EXTL3: variants seen among roughly 807,000 people sequenced by gnomAD.
EXTL3 encodes the protein exostosin like glycosyltransferase 3.
Under a neutral mutation model 69.3 loss-of-function variants are expected in EXTL3, and 27 were observed. The observed-to-expected ratio is 0.39, with a 90% confidence interval of 0.29 to 0.54. EXTL3 has a LOEUF of 0.54. Among genes scored for constraint, EXTL3 ranks in the 20% least tolerant of loss-of-function variants. The pLI, the probability that EXTL3 is intolerant of heterozygous loss-of-function variation, is 0.69. For synonymous variants in EXTL3, 511 were observed against 499.4 expected (o/e 1.02, Z -0.31); for missense variants, 1,003 against 1,231.8 (o/e 0.81, Z 2.78).
At chr8:28,627,809 A>G (rs923827839) in intron 1 of EXTL3, among the ~76,000 whole-genome samples, 8 of 152,258 alleles carry the variant, frequency 5.3e-5, no homozygotes, top group African/African-American at 1.9e-4. Flanking sequence ...TAAGGACATC[A>G]TGCTAAGTGA....
chr8:28,655,396 A>G, intron 1 of EXTL3, among the ~76,000 whole-genome samples: 1 of 152,156 alleles, frequency 6.6e-6, no homozygotes, highest in Non-Finnish European at 1.5e-5. Flanking sequence ...TAAGTGATAG[A>G]GCTACATTTA....
chr8:28,654,339 C>G (rs1407751470), intron 1 of EXTL3, among the ~76,000 whole-genome samples: 1 of 152,116 alleles, frequency 6.6e-6, no homozygotes, highest in East Asian at 1.9e-4. Context: ...TGAGTTTACT[C>G]TGTGCTGAAT....
In EXTL3 at chr8:28,751,418, TC is replaced by T. The variant is rs1440680857; in HGVS notation, c.*553del. 1.3e-5 allele frequency: 2 copies of T among 156,336 alleles called. No homozygotes were observed. The highest frequency in any genetic ancestry group is 2.8e-5 in the Non-Finnish European group (2 of 70,524). The allele number at this position is 156,336 out of a possible 1,614,324, so 9.7% of individuals were successfully genotyped here. Reference sequence around the variant, plus strand: ...TGTGTCACTGGCTTATCCTTAAAGATCATCTCCCATCCTCCCCAGCGCCATC... The same window carrying T: ...TGTGTCACTGGCTTATCCTTAAAGATATCTCCCATCCTCCCCAGCGCCATC... On this transcript the variant is annotated 3_prime_UTR_variant, in exon 7 of 7. Transcript: ENST00000220562.
In EXTL3 at chr8:28,750,618, A is replaced by C; in HGVS notation, c.2551-39A>C. ...CAGCTGCAAGGGTTCTGTCAGTATT[A>C]GCTGGGATTCCCACTCTGTCTCTCT... On this transcript the variant is annotated intron_variant, in intron 6 of 6. Coordinates refer to ENST00000220562, the MANE Select transcript of EXTL3 (RefSeq NM_001440.4). This position sits in a 1 kb window ranked among gnomAD's most constrained non-coding sequence, Gnocchi z 5.2. The C allele has an allele frequency of 1.3e-6, 2 of 1,528,870 alleles. No individual in the cohort carries two copies. Among genetic ancestry groups the C allele is most frequent in the Non-Finnish European group, 1.8e-6 (2 of 1,102,920 alleles). 94.7% of individuals were successfully genotyped at this position (1,528,870 alleles called of 1,614,324 possible). A position where few individuals can be genotyped will look rare whatever the true frequency, so the allele number is the denominator to read the frequency against.
chr8:28,671,493 C>T (rs905624239), intron 1 of EXTL3, among the ~76,000 whole-genome samples: 55 of 151,446 alleles, frequency 3.6e-4, no homozygotes, highest in African/African-American at 1.3e-3. Flanking sequence ...GTGTGTGCCA[C>T]CATGCCTGGC....
At chr8:28,734,753 TC>T (rs1432593739) in intron 4 of EXTL3, among the ~76,000 whole-genome samples, 1 of 152,186 alleles carries the variant, frequency 6.6e-6, no homozygotes, top group Non-Finnish European at 1.5e-5. Context: ...TCTTTGGCGA[TC>T]TTTTTCAAAT....
At position 28,663,156 on chromosome 8, in the gene EXTL3, A is replaced by G. The variant is rs146450714; in HGVS notation, c.-53+40346A>G. 2.6e-5 allele frequency among the ~76,000 whole-genome samples: 4 copies of G among 152,360 alleles called. No homozygotes were observed. In the East Asian group the frequency reaches 5.8e-4, roughly 22 times the overall value. On this transcript the variant is annotated intron_variant, in intron 1 of 6. Coordinates refer to the EXTL3 transcript ENST00000523149. ...AATGTTGGAAAGCCCCTGACTTTGC[A>G]AAAGCAAATTTTACTCAGTCCTTGT... is the stretch of plus-strand genomic sequence containing the variant.
At position 28,754,880 on chromosome 8, in the gene EXTL3, T is replaced by C. The variant is rs1158056574; in HGVS notation, c.*4014T>C. 4 of 152,148 alleles carry C rather than the reference T, an allele frequency of 2.6e-5. No homozygotes were observed. Among genetic ancestry groups the C allele is most frequent in the African/African-American group, 4.8e-5 (2 of 41,390 alleles). The allele number at this position is 152,148 out of a possible 1,614,324, so 9.4% of individuals were successfully genotyped here. On this transcript the variant is annotated 3_prime_UTR_variant, in exon 7 of 7. Coordinates refer to ENST00000220562, the MANE Select transcript of EXTL3 (RefSeq NM_001440.4). ...CAGTTCAAGACCAGTCTGGGCAACATAGCAAGACCCCCATCTCTACAAAAA... is the reference window on the plus strand; with the variant it reads ...CAGTTCAAGACCAGTCTGGGCAACACAGCAAGACCCCCATCTCTACAAAAA...
In EXTL3 at chr8:28,754,418, C is replaced by T. The variant is rs17059358; in HGVS notation, c.*3552C>T. 30,675 of 151,710 alleles carry T rather than the reference C, an allele frequency of 0.2. 3,393 individuals carry two copies. Among genetic ancestry groups the T allele is most frequent in the East Asian group, 0.32 (1,622 of 5,024 alleles). 9.4% of individuals were successfully genotyped at this position (151,710 alleles called of 1,614,324 possible). On this transcript the variant is annotated 3_prime_UTR_variant, in exon 7 of 7. Coordinates refer to ENST00000220562, the MANE Select transcript of EXTL3 (RefSeq NM_001440.4). ...CTAAGAATGGGTGAGACTTAACAGTCGGTGTCCCTCCTCAAGTGGGGTTCA... is the reference window on the plus strand; with the variant it reads ...CTAAGAATGGGTGAGACTTAACAGTTGGTGTCCCTCCTCAAGTGGGGTTCA...
intron 1 of EXTL3, among the ~76,000 whole-genome samples, chr8:28,702,636 TTCA>T (rs1800836137): frequency 1.5e-5 from 2 of 132,818 alleles, no homozygotes; most frequent in South Asian, 5.0e-4. Flanking sequence ...CTCTAAAAGC[TTCA>T]TCAAGTCCTC....
At chr8:28,630,857 T>C (rs933218079) in intron 1 of EXTL3, among the ~76,000 whole-genome samples, 1 of 152,106 alleles carries the variant, frequency 6.6e-6, no homozygotes, top group Non-Finnish European at 1.5e-5. Context: ...AAAGAAGGTA[T>C]ATCAGGAAAT....
At chr8:28,607,967 A>G (rs60158393) in intron 2 of EXTL3, among the ~76,000 whole-genome samples, 2,697 of 151,872 alleles carry the variant, frequency 0.018, 95 homozygotes, top group African/African-American at 0.057. Context: ...AAAATTAGCC[A>G]GGCGTGGTGG....
chr8:28,640,455 G>A (rs2130582148), intron 1 of EXTL3, among the ~76,000 whole-genome samples: 1 of 152,272 alleles, frequency 6.6e-6, no homozygotes, highest in Admixed American at 6.5e-5. Flanking sequence ...AGGAAGGGGA[G>A]GCTCAGAGGG....
intron 5 of EXTL3, 50 bp from the exon 6 acceptor site, chr8:28,743,036 C>G: frequency 6.2e-7 from 1 of 1,612,554 alleles, no homozygotes; most frequent in Non-Finnish European, 8.5e-7. Context: ...TGAAAGCCAA[C>G]AACCTGTGTC....
intron 1 of EXTL3, among the ~76,000 whole-genome samples, chr8:28,658,609 C>A (rs1585235493): frequency 6.6e-6 from 1 of 151,938 alleles, no homozygotes; most frequent in Non-Finnish European, 1.5e-5. Flanking sequence ...TTTTTTTGAG[C>A]TCGCTCTGTC....
intron 1 of EXTL3, among the ~76,000 whole-genome samples, chr8:28,634,853 C>T (rs1806627662): frequency 6.6e-6 from 1 of 152,114 alleles, no homozygotes; most frequent in Admixed American, 6.6e-5. Context: ...CTTCGGCCTC[C>T]CATAGTGCTG....
At chr8:28,665,661 A>G (rs961053253) in intron 1 of EXTL3, among the ~76,000 whole-genome samples, 9 of 151,448 alleles carry the variant, frequency 5.9e-5, no homozygotes, top group South Asian at 2.1e-4. Context: ...GTCCATCTCA[A>G]CCTCCCAAAG....
At chr8:28,679,082 G>A (rs1335650047) in intron 1 of EXTL3, among the ~76,000 whole-genome samples, 1 of 152,210 alleles carries the variant, frequency 6.6e-6, no homozygotes, top group Non-Finnish European at 1.5e-5. Context: ...AGTACATTGA[G>A]TAGATTAATG....
chr8:28,694,317 T>C (rs932190285), intron 1 of EXTL3, among the ~76,000 whole-genome samples: 4 of 152,248 alleles, frequency 2.6e-5, no homozygotes, highest in Non-Finnish European at 4.4e-5. Flanking sequence ...TTCTCTGGCT[T>C]GTATACCTCA....
Sources: gnomAD v4.1 joint callset for allele counts (sites outside exome capture counted in the v4.1 genomes callset) on GRCh38, gnomAD v4.1.1 for gene constraint, Gnocchi (gnomAD v3.1) non-coding constraint, MANE v1.5 for transcripts, NCBI Gene and HGNC (gene_info 2026-07-23, HGNC 2026-07-21) for gene names.